OMD: variants seen among roughly 807,000 people sequenced by gnomAD.
OMD encodes KSPG osteomodulin.
In OMD, 19 loss-of-function variants were observed where a neutral mutation model predicts 31.2. The ratio of observed to expected loss-of-function variants is 0.61; its 90% CI spans 0.42 to 0.89. The LOEUF (loss-of-function observed/expected upper bound fraction) is 0.89, where lower values mean the gene tolerates loss of function less well. Ranked by LOEUF, OMD falls within the 40% of genes least tolerant of loss-of-function variation. The pLI, the probability that OMD is intolerant of heterozygous loss-of-function variation, is 0.00. For missense variants in OMD, 448 were observed against 490.8 expected, an observed-to-expected ratio of 0.91 and a Z score of 0.82; for synonymous variants, 155 against 166.4, an observed-to-expected ratio of 0.93 and a Z score of 0.53.
intron 1 of OMD, among the ~76,000 whole-genome samples, chr9:92,423,971 A>AT (rs1324357610): frequency 2.0e-5 from 3 of 152,128 alleles, no homozygotes; most frequent in East Asian, 1.9e-4. Context: ...CTAAACAAAG[A>AT]TTTTTTATTG....
chr9:92,416,014 G>T lies in OMD; in HGVS notation c.941-537C>A, dbSNP rs181979266. On this transcript the variant is annotated intron_variant, in intron 2 of 2. Transcript: ENST00000375550. ...AATTATCAGTTATATATATAAAAGA[G>T]AATATATATTTTTTATATATAAATA... Among the ~76,000 whole-genome samples the T allele has an allele frequency of 7.6e-3, 1,062 of 140,204 alleles. 12 individuals carry two copies. The highest frequency in any genetic ancestry group is 0.026 in the African/African-American group (998 of 38,854). 92.0% of individuals were successfully genotyped at this position (140,204 alleles called of 152,430 possible).
At chr9:92,423,250 G>A (rs2130973588) in intron 1 of OMD, among the ~76,000 whole-genome samples, 1 of 152,066 alleles carries the variant, frequency 6.6e-6, no homozygotes, top group Non-Finnish European at 1.5e-5. Context: ...AAGAATGTTT[G>A]GAGCAAAGTA....
Position 92,412,973 on chromosome 9 carries a change from A to AG in OMD, c.*2178dup, listed in dbSNP as rs1843486049. Among the ~76,000 whole-genome samples, 1 of 129,266 alleles carries AG rather than the reference A, an allele frequency of 7.7e-6. No individual in the cohort carries two copies. Among genetic ancestry groups the AG allele is most frequent in the Non-Finnish European group, 1.6e-5 (1 of 62,816 alleles). 84.8% of individuals were successfully genotyped at this position (129,266 alleles called of 152,430 possible). On this transcript the variant is annotated 3_prime_UTR_variant, in exon 3 of 3. Transcript: ENST00000375550. ...GGAATCGCTGGGTTATATGTAACTAAGCTTTTTTTTTTTTTTTTTTTTTTT... is the reference window on the plus strand; with the variant it reads ...GGAATCGCTGGGTTATATGTAACTAAGGCTTTTTTTTTTTTTTTTTTTTTTT...
intron 1 of OMD, among the ~76,000 whole-genome samples, chr9:92,418,688 C>T (rs2130963429): frequency 6.6e-6 from 1 of 152,250 alleles, no homozygotes; most frequent in East Asian, 1.9e-4. Context: ...TTTGCTGATA[C>T]CTTTTTCTGC....
rs1178922032 is a variant in OMD at position 92,416,914 on chromosome 9, C to CATT, written c.642_644dup (p.Leu214_Met215insIle). The stretch of plus-strand genomic sequence containing the variant: ...ATCTGTTACTGCAGAGGTTGAGCTG[C>CATT]ATTAGTTTTTCCATTTTGGCAAAGA... On this transcript the variant is annotated inframe_insertion, in exon 2 of 3. Coordinates refer to ENST00000375550, the MANE Select transcript of OMD (RefSeq NM_005014.3). 5.6e-6 allele frequency: 9 copies of CATT among 1,613,850 alleles called. No individual in the cohort carries two copies. The highest frequency in any genetic ancestry group is 7.6e-6 in the Non-Finnish European group (9 of 1,179,964).
rs1289750670 is a variant in OMD at position 92,414,941 on chromosome 9, C to A, written c.*211G>T. The stretch of plus-strand genomic sequence containing the variant: ...TAATTTATGATTCCCACTTGTCATT[C>A]TAATTTATATTTTTAAAGATTTACA... On this transcript the variant is annotated 3_prime_UTR_variant, in exon 3 of 3. Coordinates refer to ENST00000375550, the MANE Select transcript of OMD (RefSeq NM_005014.3). 2 of 357,710 alleles carry A rather than the reference C, an allele frequency of 5.6e-6. No individual in the cohort carries two copies. Among genetic ancestry groups the A allele is most frequent in the Non-Finnish European group, 5.0e-6 (1 of 201,984 alleles). The allele number at this position is 357,710 out of a possible 1,614,324, so 22.2% of individuals were successfully genotyped here. A position where few individuals can be genotyped will look rare whatever the true frequency, so the allele number is the denominator to read the frequency against.
rs1843481074 is a variant in OMD, at chr9:92,412,821, A to C, written c.*2331T>G. 6.6e-6 allele frequency among the ~76,000 whole-genome samples: 1 copy of C among 152,078 alleles called. No individual in the cohort carries two copies. ...ATATTCCATGAAATGGATATACCAC[A>C]TTTTGTTTATCCATTGATGGACATG... On this transcript the variant is annotated 3_prime_UTR_variant, in exon 3 of 3. Coordinates refer to ENST00000375550, the MANE Select transcript of OMD (RefSeq NM_005014.3).
intron 2 of OMD, among the ~76,000 whole-genome samples, chr9:92,416,068 A>ATTTATTTATTTATT (rs1554760092): frequency 7.3e-6 from 1 of 137,008 alleles, no homozygotes; most frequent in African/African-American, 2.6e-5. Context: ...GTATATATAT[A>ATTTATTTATTTATT]TATTTATTTA....
intron 1 of OMD, among the ~76,000 whole-genome samples, chr9:92,421,598 T>C (rs1843795900): frequency 6.6e-6 from 1 of 152,254 alleles, no homozygotes; most frequent in Non-Finnish European, 1.5e-5. Flanking sequence ...TGTACTCTAC[T>C]ACTTTACTGT....
In OMD at chr9:92,412,432, A is replaced by G. The variant is rs1843470801; in HGVS notation, c.*2720T>C. On this transcript the variant is annotated 3_prime_UTR_variant, in exon 3 of 3. Coordinates refer to ENST00000375550, the MANE Select transcript of OMD (RefSeq NM_005014.3). ...TACTTAGTGTTTTTGCATTTGTACA[A>G]CCATCACCACAGTCAATTTTGGAAC... Among the ~76,000 whole-genome samples the G allele has an allele frequency of 6.6e-6, 1 of 152,182 alleles. No homozygotes were observed. The highest frequency in any genetic ancestry group is 2.4e-5 in the African/African-American group (1 of 41,442).
chr9:92,416,643 A>G lies in OMD; in HGVS notation c.916T>C (p.Tyr306His). 1.3e-6 allele frequency: 2 copies of G among 1,588,216 alleles called. No individual in the cohort carries two copies. The highest frequency in any genetic ancestry group is 1.7e-6 in the Non-Finnish European group (2 of 1,164,558). The change falls in exon 2 of 3, where the codon TAC (tyrosine) becomes CAC (histidine). Residue 306 changes from tyrosine to histidine, a missense_variant. Physicochemically the swap from Tyr to His is moderately conservative, Grantham distance 83. Transcript: ENST00000375550. ...CTTTCTATTTCATTATTTTGTAGGTATAGGTGTTCCAAATTTCTTGGAATA... is the reference window on the plus strand; with the variant it reads ...CTTTCTATTTCATTATTTTGTAGGTGTAGGTGTTCCAAATTTCTTGGAATA... ...FYIPRNLEHL[Y>H]LQNNEIEKMN...
At chr9:92,419,532 C>T (rs1366373386) in intron 1 of OMD, among the ~76,000 whole-genome samples, 1 of 152,124 alleles carries the variant, frequency 6.6e-6, no homozygotes, top group Non-Finnish European at 1.5e-5. Context: ...AACTCCTGAC[C>T]TCATGATCCA....
Position 92,417,307 on chromosome 9 carries a change from C to T in OMD, c.252G>A (p.Lys84=), listed in dbSNP as rs115116400. Reference sequence around the variant, plus strand: ...TGTGCATCGGAATATTTGGGATAGTCTTGAGTTTGCGATTATCACAGTACA... The same window carrying T: ...TGTGCATCGGAATATTTGGGATAGTTTTGAGTTTGCGATTATCACAGTACA... The part of the protein sequence containing the change: ...SSMYCDNRKL[K]TIPNIPMHIQ... The change falls in exon 2 of 3, where the codon AAG becomes AAA. Residue 84 remains lysine (K), a synonymous_variant. Coordinates refer to ENST00000375550, the MANE Select transcript of OMD (RefSeq NM_005014.3). The T allele has an allele frequency of 1.5e-5, 25 of 1,613,990 alleles. No individual in the cohort carries two copies. The highest frequency in any genetic ancestry group is 2.0e-5 in the Non-Finnish European group (24 of 1,179,960).
chr9:92,420,979 G>A (rs940130480), intron 1 of OMD, among the ~76,000 whole-genome samples: 1 of 152,102 alleles, frequency 6.6e-6, no homozygotes, highest in Non-Finnish European at 1.5e-5. Context: ...TGATGTGTTT[G>A]GGAAATGTGG....
intron 1 of OMD, among the ~76,000 whole-genome samples, chr9:92,419,973 CTTGTCAGAAATTATAA>C (rs959980837): frequency 6.6e-6 from 1 of 152,084 alleles, no homozygotes; most frequent in Non-Finnish European, 1.5e-5. Context: ...TTCTTCTTTT[CTTGTCAGAAATTATAA>C]ATGTAACTAT....
chr9:92,418,342 C>A (rs1843683708), intron 1 of OMD, among the ~76,000 whole-genome samples: 1 of 151,978 alleles, frequency 6.6e-6, no homozygotes, highest in Non-Finnish European at 1.5e-5. Flanking sequence ...CCACCTCAGC[C>A]TCTCAAAGTG....
chr9:92,415,198 C>T lies in OMD; in HGVS notation c.1220G>A (p.Gly407Glu). The change falls in exon 3 of 3, where the codon GGA (glycine) becomes GAA (glutamate). Residue 407 changes from glycine (G) to glutamate (E), a missense_variant. Gly to Glu is a moderately conservative substitution (Grantham distance 98). Coordinates refer to ENST00000375550, the MANE Select transcript of OMD (RefSeq NM_005014.3). ...DNAHESPEQE[G>E]AEGHFDLHYY... is the part of the protein sequence containing the mutation. ...ATGAAGGTCAAAGTGCCCTTCTGCT[C>T]CTTCTTGTTCTGGGCTCTCATGAGC... 1 of 1,613,432 alleles carries T rather than the reference C, an allele frequency of 6.2e-7. No homozygotes were observed. Among genetic ancestry groups the T allele is most frequent in the Non-Finnish European group, 8.5e-7 (1 of 1,179,752 alleles).
In OMD at chr9:92,417,177, T is replaced by A; in HGVS notation, c.382A>T (p.Lys128Ter). The A allele has an allele frequency of 6.2e-7, 1 of 1,613,910 alleles. No homozygotes were observed. Among genetic ancestry groups the A allele is most frequent in the African/African-American group, 1.3e-5 (1 of 75,068 alleles). Residue 128 changes from lysine (K) to a stop codon, truncating the protein, a stop_gained, in exon 2 of 3, where the codon AAA (lysine) becomes TAA (stop). Transcript: ENST00000375550. LOFTEE classifies it high-confidence loss of function. ...KEINLSHNKIKSQKIDYGVFA... is the reference protein window; with the variant it reads ...KEINLSHNKI ...ACACCATAATCAATCTTTTGAGATTTAATTTTGTTGTGGCTGAGGTTAATT... is the reference window on the plus strand; with the variant it reads ...ACACCATAATCAATCTTTTGAGATTAAATTTTGTTGTGGCTGAGGTTAATT...
intron 1 of OMD, among the ~76,000 whole-genome samples, chr9:92,422,148 T>C (rs953111763): frequency 3.9e-5 from 6 of 152,008 alleles, no homozygotes; most frequent in Non-Finnish European, 8.8e-5. Flanking sequence ...CCTCCCAGGC[T>C]CAAGTGATTC....
Sources: gnomAD v4.1 joint callset for allele counts (sites outside exome capture counted in the v4.1 genomes callset) on GRCh38, gnomAD v4.1.1 for gene constraint, MANE v1.5 for transcripts, NCBI Gene and HGNC (gene_info 2026-07-23, HGNC 2026-07-21) for gene names.